STAG1: variants seen among roughly 807,000 people sequenced by gnomAD.
STAG1 encodes the protein STAG1 cohesin complex component.
Under a neutral mutation model 170.9 loss-of-function variants are expected in STAG1, and 26 were observed. The ratio of observed to expected loss-of-function variants is 0.15; its 90% CI spans 0.11 to 0.21. The LOEUF (loss-of-function observed/expected upper bound fraction) is 0.21. STAG1 is among the 10% of genes least tolerant of loss of function. The probability of loss-of-function intolerance (pLI) is 1.00; values close to 1 mark genes in which losing one functional copy is unlikely to be tolerated. For missense variants in STAG1, 964 were observed against 1,509.5 expected, an observed-to-expected ratio of 0.64 and a Z score of 5.99; for synonymous variants, 514 against 497.7, an observed-to-expected ratio of 1.03 and a Z score of -0.44.
At chr3:136,361,722 C>T (rs1936868755) in intron 26 of STAG1, among the ~76,000 whole-genome samples, 1 of 152,114 alleles carries the variant, frequency 6.6e-6, no homozygotes, top group South Asian at 2.1e-4. Flanking sequence ...GCCATCCTGT[C>T]ACTTTACCCT....
intron 1 of STAG1, among the ~76,000 whole-genome samples, chr3:136,742,034 G>A (rs532286754): frequency 6.6e-6 from 1 of 152,280 alleles, no homozygotes; most frequent in South Asian, 2.1e-4. Context: ...TTACAACAGA[G>A]CTTCAAAATG....
At chr3:136,694,231 G>A (rs183430017) in intron 1 of STAG1, among the ~76,000 whole-genome samples, 1 of 152,272 alleles carries the variant, frequency 6.6e-6, no homozygotes, top group Admixed American at 6.5e-5. Flanking sequence ...GCCAGAAGCT[G>A]AGGAAGTGGA....
intron 6 of STAG1, among the ~76,000 whole-genome samples, chr3:136,524,835 A>T (rs1322736613): frequency 2.0e-5 from 3 of 152,140 alleles, no homozygotes; most frequent in African/African-American, 4.8e-5. Flanking sequence ...AGGCCTTTTC[A>T]GCATCTATTG....
At chr3:136,361,019 T>TA (rs1357383769) in intron 26 of STAG1, among the ~76,000 whole-genome samples, 5 of 152,210 alleles carry the variant, frequency 3.3e-5, no homozygotes, top group Admixed American at 3.3e-4. Flanking sequence ...CTTTAAAACT[T>TA]AAAGTGTACA....
intron 7 of STAG1, among the ~76,000 whole-genome samples, chr3:136,504,063 CAT>C (rs1933631821): frequency 6.6e-6 from 1 of 152,106 alleles, no homozygotes; most frequent in African/African-American, 2.4e-5. Context: ...CATATGTAAA[CAT>C]ATGTGTTTTC....
At chr3:136,597,375 A>G (rs904371837) in intron 4 of STAG1, among the ~76,000 whole-genome samples, 1 of 152,200 alleles carries the variant, frequency 6.6e-6, no homozygotes, top group Non-Finnish European at 1.5e-5. Flanking sequence ...ACTCTTCTTG[A>G]TATTACCAAA....
intron 1 of STAG1, among the ~76,000 whole-genome samples, chr3:136,733,069 G>A (rs113501538): frequency 4.7e-5 from 7 of 149,850 alleles, no homozygotes; most frequent in African/African-American, 1.5e-4. Context: ...ATATAGTCTA[G>A]TGGTTAAAAC....
chr3:136,612,864 T>G (rs1479531252), intron 3 of STAG1, among the ~76,000 whole-genome samples: 1 of 152,184 alleles, frequency 6.6e-6, no homozygotes, highest in African/African-American at 2.4e-5. Flanking sequence ...GGTTTTTCTG[T>G]GTACTTAATT....
intron 1 of STAG1, among the ~76,000 whole-genome samples, chr3:136,714,471 G>A (rs1383141333): frequency 1.3e-5 from 2 of 151,934 alleles, no homozygotes; most frequent in African/African-American, 4.8e-5. Context: ...GCTCACGCCT[G>A]TAATCCCAGC....
intron 7 of STAG1, among the ~76,000 whole-genome samples, chr3:136,509,809 A>G (rs944472669): frequency 1.3e-5 from 2 of 152,262 alleles, no homozygotes; most frequent in African/African-American, 4.8e-5. Flanking sequence ...CTTGCTAAAC[A>G]TAAAACTGAA....
intron 4 of STAG1, among the ~76,000 whole-genome samples, chr3:136,576,263 A>G (rs1015719632): frequency 2.0e-5 from 3 of 152,210 alleles, no homozygotes; most frequent in Admixed American, 6.5e-5. Context: ...TATTTTTTAA[A>G]TAAATAAATC....
chr3:136,373,297 C>A (rs1317690780), intron 23 of STAG1, among the ~76,000 whole-genome samples: 27 of 152,044 alleles, frequency 1.8e-4, no homozygotes, highest in Admixed American at 9.8e-4. Context: ...TTCAAAAAAC[C>A]AGCTCCTGGA....
chr3:136,412,565 A>G (rs898807788), intron 21 of STAG1, among the ~76,000 whole-genome samples: 3 of 152,230 alleles, frequency 2.0e-5, no homozygotes, highest in Non-Finnish European at 4.4e-5. Context: ...TAATGAACAA[A>G]CTGACATCAC....
chr3:136,672,928 AG>A (rs1942022214), intron 1 of STAG1, among the ~76,000 whole-genome samples: 1 of 152,252 alleles, frequency 6.6e-6, no homozygotes. Context: ...TCACTAAAGC[AG>A]AAGAAAGAAA....
At position 136,452,156 on chromosome 3, in the gene STAG1, G is replaced by C; in HGVS notation, c.1314-9C>G. 1 of 1,566,920 alleles carries C rather than the reference G, an allele frequency of 6.4e-7. No homozygotes were observed. The highest frequency in any genetic ancestry group is 8.8e-7 in the Non-Finnish European group (1 of 1,140,714). Reference sequence around the variant, plus strand: ...CATGTCTGCTAAATAGCCTGGAAATGAAAAACAGGGCATTGCAAAGTTACA... The same window carrying C: ...CATGTCTGCTAAATAGCCTGGAAATCAAAAACAGGGCATTGCAAAGTTACA... On this transcript the variant is annotated splice_polypyrimidine_tract_variant and intron_variant, in intron 13 of 33. Transcript: ENST00000383202.
intron 4 of STAG1, chr3:136,586,977 C>G (rs1937863146): frequency 2.3e-6 from 1 of 434,756 alleles, no homozygotes; most frequent in South Asian, 1.7e-5. Flanking sequence ...CCTGAATCAT[C>G]CTATGAAGAA....
chr3:136,340,301 T>C (rs1935915797), intron 32 of STAG1, among the ~76,000 whole-genome samples, 190 bp downstream of exon 32: 1 of 152,176 alleles, frequency 6.6e-6, no homozygotes, highest in Admixed American at 6.5e-5. Context: ...TTTGTATTTT[T>C]AGTAGAGACG....
intron 1 of STAG1, among the ~76,000 whole-genome samples, chr3:136,731,490 C>A (rs1441728107): frequency 1.3e-5 from 2 of 152,224 alleles, no homozygotes; most frequent in African/African-American, 2.4e-5. Flanking sequence ...TTCATGGCAG[C>A]CCCGGCACTG....
At chr3:136,604,118 C>T (rs924369096) in intron 4 of STAG1, among the ~76,000 whole-genome samples, 191 bp downstream of exon 4, 2 of 152,074 alleles carry the variant, frequency 1.3e-5, no homozygotes, top group Non-Finnish European at 2.9e-5. Context: ...AACAAAAGTA[C>T]ATCTTACGAT....
Sources: gnomAD v4.1 joint callset for allele counts (sites outside exome capture counted in the v4.1 genomes callset) on GRCh38, gnomAD v4.1.1 for gene constraint, MANE v1.5 for transcripts, NCBI Gene and HGNC (gene_info 2026-07-23, HGNC 2026-07-21) for gene names.